The following RNF10 variants were observed in gnomAD, a reference collection of about 807,000 sequenced individuals.
RNF10 encodes the protein ring finger protein 10.
RNF10 carries 38 observed loss-of-function variants against 91.4 expected under a neutral mutation model. That is an observed-to-expected ratio of 0.42 (90% CI 0.32 to 0.54). The LOEUF (loss-of-function observed/expected upper bound fraction) is 0.54. Ranked by LOEUF, RNF10 falls within the 20% of genes least tolerant of loss-of-function variation. RNF10 has a pLI of 0.16. For synonymous variants in RNF10, 364 were observed against 366.3 expected (o/e 0.99, Z 0.07); for missense variants, 945 against 1,012.0 (o/e 0.93, Z 0.90).
At chr12:120,567,584 C>T (rs1875949337) in intron 13 of RNF10, among the ~76,000 whole-genome samples, 1 of 151,888 alleles carries the variant, frequency 6.6e-6, no homozygotes, top group Admixed American at 6.6e-5. Context: ...GCCTGTAGTC[C>T]CAGCTACTTG....
chr12:120,559,017 A>ATAATTAAAATTAATTTAATTAATTAAAT, intron 6 of RNF10, among the ~76,000 whole-genome samples: 1 of 150,904 alleles, frequency 6.6e-6, no homozygotes, highest in South Asian at 2.1e-4. Flanking sequence ...ATTCATTAAA[A>ATAATTAAAATTAATTTAATTAATTAAAT]TAATTAAAAT....
At chr12:120,538,169 TAAGGTGAAAAGATAGTTTATCTTTTGTC>T (rs1229931614) in intron 1 of RNF10, among the ~76,000 whole-genome samples, 3 of 152,086 alleles carry the variant, frequency 2.0e-5, no homozygotes, top group Non-Finnish European at 2.9e-5. Flanking sequence ...AAAACAAGCG[TAAGGTGAAAAGATAGTTTATCTTTTGTC>T]AAGGTGAAAA....
Position 120,554,786 on chromosome 12 carries a change from A to G in RNF10, c.623A>G (p.Asn208Ser). ...TTTGCTGATCCTGATACATTAGTTA[A>G]CTGGGACTTTGTGGAACAAGTGGTG... Reference protein sequence around the residue: ...AHFADPDTLVNWDFVEQVRIC... With the variant: ...AHFADPDTLVSWDFVEQVRIC... The change falls in exon 4 of 17, where the codon AAC becomes AGC. Residue 208 changes from asparagine (N) to serine (S), a missense_variant. Physicochemically the swap from Asn to Ser is conservative, Grantham distance 46. Transcript: ENST00000325954. The G allele has an allele frequency of 6.2e-7, 1 of 1,614,046 alleles. No homozygotes were observed. The highest frequency in any genetic ancestry group is 8.5e-7 in the Non-Finnish European group (1 of 1,179,904).
chr12:120,534,598 T>G lies in RNF10; in HGVS notation c.-214T>G. ...CCCGGACTCCCGAGCCCCGGCCTCCTCGTCCTCGGTCGCCGCTGCCGCCGG... is the reference window on the plus strand; with the variant it reads ...CCCGGACTCCCGAGCCCCGGCCTCCGCGTCCTCGGTCGCCGCTGCCGCCGG... On this transcript the variant is annotated 5_prime_UTR_variant, in exon 1 of 17. Coordinates refer to ENST00000325954, the MANE Select transcript of RNF10 (RefSeq NM_014868.5). 8.5e-7 allele frequency: 1 copy of G among 1,171,486 alleles called. No homozygotes were observed. Among genetic ancestry groups the G allele is most frequent in the South Asian group, 2.4e-5 (1 of 41,942 alleles). 72.6% of individuals were successfully genotyped at this position (1,171,486 alleles called of 1,614,324 possible).
intron 7 of RNF10, 31 bp downstream of exon 7, chr12:120,560,917 T>G: frequency 6.2e-7 from 1 of 1,600,856 alleles, no homozygotes; most frequent in Non-Finnish European, 8.5e-7. Flanking sequence ...TGCTAAACCT[T>G]TTCACTTTCT....
chr12:120,556,339 C>T (rs1299561772), intron 4 of RNF10, among the ~76,000 whole-genome samples: 1 of 150,768 alleles, frequency 6.6e-6, no homozygotes, highest in Admixed American at 6.6e-5. Context: ...TCGAGACCAT[C>T]CTGGCTAACA....
chr12:120,543,669 A>G (rs550754170), intron 1 of RNF10, among the ~76,000 whole-genome samples: 1 of 152,244 alleles, frequency 6.6e-6, no homozygotes, highest in Admixed American at 6.5e-5. Context: ...AGAATGGTGT[A>G]TATGCCTGGA....
At chr12:120,560,930 GC>G in intron 7 of RNF10, 44 bp downstream of exon 7, 2 of 1,588,678 alleles carry the variant, frequency 1.3e-6, no homozygotes, top group East Asian at 2.2e-5. Flanking sequence ...CACTTTCTCG[GC>G]GTTCTGTGGT....
At chr12:120,563,143 A>G (rs1875149816) in intron 8 of RNF10, 73 bp downstream of exon 8, 1 of 1,600,122 alleles carries the variant, frequency 6.2e-7, no homozygotes, top group Non-Finnish European at 8.6e-7. Flanking sequence ...CATTACTGTG[A>G]GATCTAAACC....
chr12:120,546,539 C>A lies in RNF10; in HGVS notation c.292C>A (p.Gln98Lys). The A allele has an allele frequency of 6.2e-7, 1 of 1,614,190 alleles. No individual in the cohort carries two copies. Among genetic ancestry groups the A allele is most frequent in the South Asian group, 1.1e-5 (1 of 91,078 alleles). Residue 98 changes from glutamine to lysine, a missense_variant, in exon 2 of 17, where the codon CAA becomes AAA. Physicochemically the swap from Gln to Lys is moderately conservative, Grantham distance 53. Coordinates refer to ENST00000325954, the MANE Select transcript of RNF10 (RefSeq NM_014868.5). ...CAAGACTTTTAACAAGATGCCTCCT[C>A]AAAGGGGCGGCGGCAGCAGCAAACT... ...KSKTFNKMPP[Q>K]RGGGSSKLFS...
At chr12:120,564,623 T>C (rs1207994868) in intron 10 of RNF10, among the ~76,000 whole-genome samples, 2 of 152,174 alleles carry the variant, frequency 1.3e-5, no homozygotes, top group East Asian at 1.9e-4. Context: ...AAATTGGGCT[T>C]CATTTTCTAC....
rs1245244605 is a variant in RNF10, at chr12:120,577,119, G to A, written c.*453G>A. The A allele has an allele frequency of 9.0e-6, 4 of 444,068 alleles. No individual in the cohort carries two copies. Among genetic ancestry groups the A allele is most frequent in the African/African-American group, 6.1e-5 (3 of 48,880 alleles). 27.5% of individuals were successfully genotyped at this position (444,068 alleles called of 1,614,324 possible). A position where few individuals can be genotyped will look rare whatever the true frequency, so the allele number is the denominator to read the frequency against. Reference sequence around the variant, plus strand: ...CAGCTGAATCTTTACTACCTATTTAGTTCTCCTTGTTAAAGAAACAGGGGT... The same window carrying A: ...CAGCTGAATCTTTACTACCTATTTAATTCTCCTTGTTAAAGAAACAGGGGT... On this transcript the variant is annotated 3_prime_UTR_variant, in exon 17 of 17. Transcript: ENST00000325954.
In RNF10 at chr12:120,572,585, CTTGTT is replaced by C. The variant is rs542003760; in HGVS notation, c.2142+1318_2142+1322del. ...TGGCTCCCAGGAGTTATGCCAAATA[CTTGTT>C]TTGTTTTGTTTTGTTTTGTTTTGAG... On this transcript the variant is annotated intron_variant, in intron 14 of 16. Transcript: ENST00000325954. 2.5e-3 allele frequency among the ~76,000 whole-genome samples: 379 copies of C among 151,978 alleles called. 1 individual carries two copies. The highest frequency in any genetic ancestry group is 4.4e-3 in the Admixed American group (67 of 15,226).
chr12:120,557,222 CTT>C (rs1462271858), intron 4 of RNF10, 58 bp from the exon 5 acceptor site: 4 of 1,541,254 alleles, frequency 2.6e-6, no homozygotes, highest in Non-Finnish European at 3.6e-6. Flanking sequence ...AGGCCTAAAA[CTT>C]TGACAGTCCC....
At chr12:120,568,984 G>T (rs1269943324) in intron 13 of RNF10, among the ~76,000 whole-genome samples, 5 of 151,160 alleles carry the variant, frequency 3.3e-5, no homozygotes, top group Non-Finnish European at 7.4e-5. Context: ...GTTTTGTTTT[G>T]TTTTAGATGG....
chr12:120,556,544 A>G (rs1874048626), intron 4 of RNF10, among the ~76,000 whole-genome samples: 1 of 150,210 alleles, frequency 6.7e-6, no homozygotes, highest in African/African-American at 2.4e-5. Flanking sequence ...AAAAAAAAAA[A>G]AAAAAAAAAA....
At position 120,550,428 on chromosome 12, in the gene RNF10, T is replaced by C. The variant is rs78656582; in HGVS notation, c.355-2071T>C. On this transcript the variant is annotated intron_variant, in intron 2 of 16. Coordinates refer to ENST00000325954, the MANE Select transcript of RNF10 (RefSeq NM_014868.5). ...TGAGAATGTGGAGGATTTTGTTGAC[T>C]GAGCACAAGCTCTTAGATCTAAGTT... is the stretch of plus-strand genomic sequence containing the variant. Among the ~76,000 whole-genome samples, 129 of 152,162 alleles carry C rather than the reference T, an allele frequency of 8.5e-4. 6 individuals are homozygous for C. In the East Asian group the frequency reaches 0.019, roughly 23 times the overall value.
chr12:120,569,587 A>G (rs1876304873), intron 13 of RNF10, among the ~76,000 whole-genome samples: 3 of 132,194 alleles, frequency 2.3e-5, no homozygotes, highest in Admixed American at 2.0e-4. Context: ...ACTGGAGTGC[A>G]GTGGCACAAG....
Position 120,571,251 on chromosome 12 carries a change from GGAGTCTGGAAGAA to G in RNF10, c.2105_2117del (p.Ser702ThrfsTer11). 6.2e-7 allele frequency: 1 copy of G among 1,613,932 alleles called. No homozygotes were observed. The highest frequency in any genetic ancestry group is 8.5e-7 in the Non-Finnish European group (1 of 1,179,904). ...CAGGGCAGTCCCTCATTCTGCGTTG[GGAGTCTGGAAGAA>G]GACTCTCCCTTCCCTTCCTTTGCCC... On this transcript the variant is annotated frameshift_variant, in exon 14 of 17. Transcript: ENST00000325954. LOFTEE classifies it high-confidence loss of function.
Sources: allele counts gnomAD v4.1 joint callset (sites outside exome capture counted in the v4.1 genomes callset), GRCh38; gene constraint gnomAD v4.1.1; transcripts MANE v1.5; gene names NCBI Gene and HGNC (gene_info 2026-07-23, HGNC 2026-07-21).